The following SRRM4 variants were observed in gnomAD, a reference collection of about 807,000 sequenced individuals.
SRRM4 encodes serine/arginine repetitive matrix 4.
SRRM4 carries 33 observed loss-of-function variants against 68.9 expected under a neutral mutation model. That is an observed-to-expected ratio of 0.48 (90% CI 0.36 to 0.64). SRRM4 has a LOEUF of 0.64. Among genes scored for constraint, SRRM4 ranks in the 30% least tolerant of loss-of-function variants. The pLI is 0.00. For missense variants in SRRM4, 817 were observed against 827.1 expected (o/e 0.99, Z 0.15); for synonymous variants, 318 against 318.8 (o/e 1.00, Z 0.03).
rs115487478 is a variant in SRRM4, at chr12:119,064,347, A to C, written c.132-37889A>C. 4.7e-3 allele frequency among the ~76,000 whole-genome samples: 709 copies of C among 152,350 alleles called. 5 individuals carry two copies. Among genetic ancestry groups the C allele is most frequent in the African/African-American group, 0.016 (678 of 41,594 alleles). On this transcript the variant is annotated intron_variant, in intron 1 of 12. Transcript: ENST00000267260. The stretch of plus-strand genomic sequence containing the variant: ...TGCCAATGCCAAAAGGAATGTTTCA[A>C]ACAAAGGAATGAAGTTGACACACTA...
chr12:118,996,848 T>C (rs576019784), intron 1 of SRRM4, among the ~76,000 whole-genome samples: 3 of 152,308 alleles, frequency 2.0e-5, no homozygotes, highest in Non-Finnish European at 4.4e-5. Context: ...AAATGTCACT[T>C]GTGAGGTCCA....
At chr12:119,008,141 C>T (rs555041733) in intron 1 of SRRM4, among the ~76,000 whole-genome samples, 315 of 152,208 alleles carry the variant, frequency 2.1e-3, no homozygotes, top group African/African-American at 7.0e-3. Context: ...GTGGCTCATG[C>T]CTGTAATCCC....
At chr12:119,102,548 AC>A (rs1213107819) in intron 2 of SRRM4, among the ~76,000 whole-genome samples, 166 bp downstream of exon 2, 1 of 152,202 alleles carries the variant, frequency 6.6e-6, no homozygotes, top group Non-Finnish European at 1.5e-5. Context: ...AAGTTTGTAG[AC>A]CCAGTGGTTT....
intron 1 of SRRM4, among the ~76,000 whole-genome samples, chr12:118,996,578 A>C (rs1953351193): frequency 6.6e-6 from 1 of 152,324 alleles, no homozygotes; most frequent in Non-Finnish European, 1.5e-5. Context: ...AAGTTAATAC[A>C]AATGCTGTGT....
At chr12:119,075,665 GTGA>G (rs1404265307) in intron 1 of SRRM4, among the ~76,000 whole-genome samples, 19 of 144,050 alleles carry the variant, frequency 1.3e-4, no homozygotes, top group African/African-American at 3.6e-4. Context: ...AGCGATGATG[GTGA>G]TGATGATGGT....
chr12:119,011,114 T>A (rs573627162), intron 1 of SRRM4, among the ~76,000 whole-genome samples: 1 of 152,342 alleles, frequency 6.6e-6, no homozygotes, highest in South Asian at 2.1e-4. Context: ...GCTTTATCTC[T>A]GTGACTACAT....
chr12:119,039,751 G>T (rs1953653409), intron 1 of SRRM4, among the ~76,000 whole-genome samples: 1 of 152,196 alleles, frequency 6.6e-6, no homozygotes, highest in South Asian at 2.1e-4. Flanking sequence ...GGCTGCAGTA[G>T]AAAATGTGAC....
chr12:119,004,774 G>A (rs1445172435), intron 1 of SRRM4, among the ~76,000 whole-genome samples: 1 of 151,966 alleles, frequency 6.6e-6, no homozygotes, highest in Non-Finnish European at 1.5e-5. Flanking sequence ...TTTACTTCCT[G>A]CCGAAGACGT....
intron 7 of SRRM4, among the ~76,000 whole-genome samples, chr12:119,130,241 T>C (rs1195560025): frequency 6.6e-6 from 1 of 151,220 alleles, no homozygotes; most frequent in African/African-American, 2.4e-5. Context: ...GATGAATGAA[T>C]GGATGATTGG....
rs776070720 is a variant in SRRM4 at position 119,122,081 on chromosome 12, C to T, written c.476C>T (p.Pro159Leu). The T allele has an allele frequency of 6.2e-7, 1 of 1,609,976 alleles. No homozygotes were observed. The highest frequency in any genetic ancestry group is 1.1e-5 in the South Asian group (1 of 90,948). Residue 159 changes from proline to leucine, a missense_variant, in exon 6 of 13, where the codon CCA (proline) becomes CTA (leucine). Physicochemically the swap from Pro to Leu is moderately conservative, Grantham distance 98. Transcript: ENST00000267260. ...CATTTCTTGTTTAGCTCCTCTAGCC[C>T]AAAAAGCAAAAGAAGAGATGAGAAG... The part of the protein sequence containing the change: ...SKKRRHSSSS[P>L]KSKRRDEKRH...
chr12:119,028,518 T>C (rs926756993), intron 1 of SRRM4, among the ~76,000 whole-genome samples: 1 of 152,234 alleles, frequency 6.6e-6, no homozygotes, highest in Non-Finnish European at 1.5e-5. Context: ...TCTGCCATGA[T>C]TGTGAGGCCT....
In SRRM4 at chr12:119,157,999, T is replaced by C; in HGVS notation, c.*1201T>C. On this transcript the variant is annotated 3_prime_UTR_variant, in exon 13 of 13. Coordinates refer to ENST00000267260, the MANE Select transcript of SRRM4 (RefSeq NM_194286.4). This position sits in a 1 kb window ranked among gnomAD's most constrained non-coding sequence, Gnocchi z 4.1. Reference sequence around the variant, plus strand: ...CATGTCTTGGGCTCCTGCTGGCTTCTGAGGTTTCTTGTCAGCTTGGGAAAG... The same window carrying C: ...CATGTCTTGGGCTCCTGCTGGCTTCCGAGGTTTCTTGTCAGCTTGGGAAAG... The C allele has an allele frequency of 6.5e-6, 1 of 153,036 alleles. No homozygotes were observed. The highest frequency in any genetic ancestry group is 1.9e-4 in the East Asian group (1 of 5,184). 9.5% of individuals were successfully genotyped at this position (153,036 alleles called of 1,614,324 possible).
At chr12:119,035,270 T>C (rs1953619384) in intron 1 of SRRM4, among the ~76,000 whole-genome samples, 1 of 152,228 alleles carries the variant, frequency 6.6e-6, no homozygotes, top group African/African-American at 2.4e-5. Context: ...GGGGCCTGCC[T>C]AGTTTTCTGT....
At chr12:119,081,550 G>T (rs1165595351) in intron 1 of SRRM4, among the ~76,000 whole-genome samples, 1 of 152,210 alleles carries the variant, frequency 6.6e-6, no homozygotes, top group Admixed American at 6.5e-5. Flanking sequence ...GCCGGACTGT[G>T]TAGACCTTGT....
At chr12:119,144,947 A>G (rs976573026) in intron 8 of SRRM4, among the ~76,000 whole-genome samples, 26 of 152,050 alleles carry the variant, frequency 1.7e-4, no homozygotes, top group African/African-American at 6.3e-4. Flanking sequence ...TTTTATTTTT[A>G]ATTTCCAAGA....
intron 8 of SRRM4, among the ~76,000 whole-genome samples, chr12:119,135,253 G>A (rs144082605): frequency 1.2e-4 from 18 of 152,178 alleles, no homozygotes; most frequent in African/African-American, 4.3e-4. Flanking sequence ...TGTGATATGG[G>A]GCTCTCTATC....
chr12:119,113,985 T>C (rs1954161152), intron 2 of SRRM4: 2 of 211,828 alleles, frequency 9.4e-6, no homozygotes. Flanking sequence ...AGGCAAGCCA[T>C]TTGCAAATTC....
At chr12:119,146,418 C>A (rs1482516353) in intron 9 of SRRM4, among the ~76,000 whole-genome samples, 1 of 151,534 alleles carries the variant, frequency 6.6e-6, no homozygotes, top group Non-Finnish European at 1.5e-5. Flanking sequence ...GAAACCCTGT[C>A]TCTACTAGAA....
chr12:119,100,131 A>G (rs890129837), intron 1 of SRRM4, among the ~76,000 whole-genome samples: 5 of 152,088 alleles, frequency 3.3e-5, no homozygotes, highest in African/African-American at 1.2e-4. Context: ...TCTGATTATT[A>G]TATACAAAGT....
Sources: allele counts gnomAD v4.1 joint callset (sites outside exome capture counted in the v4.1 genomes callset), GRCh38; gene constraint gnomAD v4.1.1; non-coding constraint Gnocchi (gnomAD v3.1); transcripts MANE v1.5; gene names NCBI Gene and HGNC (gene_info 2026-07-23, HGNC 2026-07-21).